C19orf38: variants seen among roughly 807,000 people sequenced by gnomAD.
The protein encoded by C19orf38 is chromosome 19 open reading frame 38, also known as protein HIDE1.
C19orf38 carries 14 observed loss-of-function variants against 26.6 expected under a neutral mutation model. That is an observed-to-expected ratio of 0.53 (90% confidence interval 0.35 to 0.82). The LOEUF is 0.82. C19orf38 is among the 40% of genes least tolerant of loss of function. C19orf38 has a pLI of 0.01. For missense variants in C19orf38, 261 were observed against 299.5 expected (o/e 0.87, Z 0.95); for synonymous variants, 132 against 128.5 (o/e 1.03, Z -0.18).
At chr19:10,838,603 CACGAAGA>C (rs2073455374) in intron 1 of C19orf38, among the ~76,000 whole-genome samples, 2 of 152,116 alleles carry the variant, frequency 1.3e-5, no homozygotes, top group South Asian at 4.2e-4. Context: ...GTCTCACAGC[CACGAAGA>C]ACAAGGACCA....
chr19:10,856,570 C>A (rs1234895435), intron 3 of C19orf38, among the ~76,000 whole-genome samples: 1 of 152,100 alleles, frequency 6.6e-6, no homozygotes, highest in Non-Finnish European at 1.5e-5. Flanking sequence ...GTGGCACGAT[C>A]TCGGCCCACT....
At chr19:10,858,264 G>A (rs930016555) in intron 3 of C19orf38, 52 bp from the exon 4 acceptor site, 10 of 907,056 alleles carry the variant, frequency 1.1e-5, no homozygotes, top group Middle Eastern at 2.5e-4. Context: ...AGAAATTGCC[G>A]GATACAATTA....
At chr19:10,848,294 C>A (rs375526032), upstream of C19orf38, 5 of 531,802 alleles carry the variant, frequency 9.4e-6, no homozygotes, top group African/African-American at 3.8e-5. Flanking sequence ...GAGAGGTGCG[C>A]GGGTCTGATG....
chr19:10,851,118 G>A (rs913769913), intron 2 of C19orf38, among the ~76,000 whole-genome samples: 1 of 152,154 alleles, frequency 6.6e-6, no homozygotes, highest in African/African-American at 2.4e-5. Flanking sequence ...GCAGTGGCAC[G>A]ATCTTGGCTC....
At chr19:10,866,146 T>C (rs1406411841) in intron 6 of C19orf38, among the ~76,000 whole-genome samples, 2 of 151,244 alleles carry the variant, frequency 1.3e-5, no homozygotes, top group Non-Finnish European at 2.9e-5. Flanking sequence ...CAAGTGATTC[T>C]CCTGCCTCAG....
rs537170502 is a variant in C19orf38 at position 10,842,187 on chromosome 19, G to T, written c.-69+5417G>T. ...TGAAATGTTCATTCCGGCAAATGTG[G>T]TTCTGAAATGGTATGAAAACTTTCA... On this transcript the variant is annotated intron_variant, in intron 1 of 7. Transcript: ENST00000592854. 9.0e-6 allele frequency: 14 copies of T among 1,552,310 alleles called. No individual in the cohort carries two copies. In the East Asian group the frequency reaches 3.1e-4, roughly 35 times the overall value.
chr19:10,859,542 C>T (rs971424099), intron 4 of C19orf38, among the ~76,000 whole-genome samples: 1 of 151,322 alleles, frequency 6.6e-6, no homozygotes, highest in East Asian at 1.9e-4. Flanking sequence ...GCCACCACAC[C>T]TGGCTAATTT....
At chr19:10,844,634 T>C (rs1394725532), upstream of C19orf38, among the ~76,000 whole-genome samples, 3 of 147,346 alleles carry the variant, frequency 2.0e-5, no homozygotes, top group African/African-American at 7.6e-5. Flanking sequence ...GATCACAAGG[T>C]CAGGTGATCA....
chr19:10,841,708 C>G (rs1014008887), intron 1 of C19orf38: 14 of 618,770 alleles, frequency 2.3e-5, no homozygotes, highest in Non-Finnish European at 3.7e-5. Context: ...TGGAGTGGCT[C>G]ACGCCTGTAA....
chr19:10,847,421 T>A (rs1260743513), upstream of C19orf38, among the ~76,000 whole-genome samples: 1 of 149,542 alleles, frequency 6.7e-6, no homozygotes, highest in African/African-American at 2.5e-5. Flanking sequence ...TTGCCCAGGC[T>A]GGAGTGCAAT....
intron 6 of C19orf38, 112 bp downstream of exon 6, chr19:10,863,319 G>C (rs767328311): frequency 2.3e-5 from 28 of 1,221,070 alleles, no homozygotes; most frequent in Non-Finnish European, 3.0e-5. Flanking sequence ...TCTAAGCTGC[G>C]GGGGGGCTAG....
upstream of C19orf38, among the ~76,000 whole-genome samples, chr19:10,846,365 T>TA (rs369254969): frequency 0.015 from 2,304 of 151,410 alleles, 29 homozygotes; most frequent in South Asian, 0.019. Flanking sequence ...TCTGGCTAAT[T>TA]AAAAAAAATT....
intron 2 of C19orf38, among the ~76,000 whole-genome samples, chr19:10,851,695 G>A (rs1484174941): frequency 3.9e-5 from 6 of 151,994 alleles, no homozygotes; most frequent in Non-Finnish European, 7.4e-5. Context: ...TAGGCTGGGC[G>A]TGGTGGCTCA....
rs763614048 is a variant in C19orf38, at chr19:10,858,476, A to C, written c.461+133A>C. ...ATGCTGCGTAATAGGAACAGGAGCC[A>C]TTTATTAAGTGCCTCCTGTGTGCTG... On this transcript the variant is annotated intron_variant, in intron 4 of 6. Coordinates refer to ENST00000397820, the MANE Select transcript of C19orf38 (RefSeq NM_001136482.3). 6.9e-5 allele frequency: 58 copies of C among 841,626 alleles called. 1 individual carries two copies. Among genetic ancestry groups the C allele is most frequent in the Non-Finnish European group, 1.0e-4 (54 of 537,882 alleles). The allele number at this position is 841,626 out of a possible 1,614,324, so 52.1% of individuals were successfully genotyped here.
intron 6 of C19orf38, among the ~76,000 whole-genome samples, chr19:10,866,571 C>T (rs968612749): frequency 3.3e-5 from 5 of 151,736 alleles, no homozygotes; most frequent in African/African-American, 1.2e-4. Flanking sequence ...TCTTGGCTTG[C>T]TGCACCCAGG....
Position 10,850,477 on chromosome 19 carries a change from G to A in C19orf38, c.250G>A (p.Gly84Arg), listed in dbSNP as rs765147165. ...LSGGSSKAPG[G>R]PFHCQYGVLG... is the part of the protein sequence containing the mutation. ...CGGCGGCAGCAGCAAGGCTCCAGGG[G>A]GACCCTTCCACTGCCAGTATGGAGT... The change falls in exon 2 of 7, where the codon GGA becomes AGA. Residue 84 changes from glycine (G) to arginine (R), a missense_variant. Transcript: ENST00000397820. The A allele has an allele frequency of 3.4e-5, 52 of 1,551,548 alleles. No individual in the cohort carries two copies. The highest frequency in any genetic ancestry group is 1.7e-5 in the Non-Finnish European group (20 of 1,147,000).
In C19orf38 at chr19:10,840,707, C is replaced by T. The variant is rs188504137; in HGVS notation, c.-69+3937C>T. 3.1e-4 allele frequency among the ~76,000 whole-genome samples: 47 copies of T among 152,242 alleles called. 1 individual carries two copies. Among genetic ancestry groups the T allele is most frequent in the African/African-American group, 1.0e-3 (42 of 41,546 alleles). The stretch of plus-strand genomic sequence containing the variant: ...CTAATTTTTGTATTTTTAGTAGAGA[C>T]GTGGTTTCACCATGTTGGCCAGGAT... On this transcript the variant is annotated intron_variant, in intron 1 of 7. Coordinates refer to the C19orf38 transcript ENST00000592854.
At chr19:10,866,002 T>C (rs1220631094) in intron 6 of C19orf38, among the ~76,000 whole-genome samples, 1 of 151,290 alleles carries the variant, frequency 6.6e-6, no homozygotes, top group East Asian at 1.9e-4. Context: ...TATATATTTA[T>C]TTATTTATTT....
intron 1 of C19orf38, 107 bp downstream of exon 1, chr19:10,848,646 G>A (rs1339764924): frequency 3.8e-6 from 4 of 1,066,610 alleles, no homozygotes; most frequent in South Asian, 1.4e-5. Flanking sequence ...CGTTCTCAGG[G>A]CATCGAGGAG....
Sources: gnomAD v4.1 joint callset for allele counts (sites outside exome capture counted in the v4.1 genomes callset) on GRCh38, gnomAD v4.1.1 for gene constraint, MANE v1.5 for transcripts, NCBI Gene and HGNC (gene_info 2026-07-23, HGNC 2026-07-21) for gene names.